STK32B: variants seen among roughly 807,000 people sequenced by gnomAD.
The protein encoded by STK32B is serine/threonine-protein kinase 32B.
Under a neutral mutation model 52.6 loss-of-function variants are expected in STK32B, and 43 were observed. The ratio of observed to expected loss-of-function variants is 0.82; its 90% CI spans 0.64 to 1.05. STK32B has a LOEUF of 1.05. Among genes scored for constraint, STK32B ranks in the 50% least tolerant of loss-of-function variants. The pLI is 0.00. For missense variants in STK32B, 621 were observed against 534.6 expected (o/e 1.16, Z -1.59); for synonymous variants, 238 against 204.3 (o/e 1.17, Z -1.41).
intron 1 of STK32B, among the ~76,000 whole-genome samples, chr4:5,084,261 A>C (rs1028808528): frequency 3.3e-5 from 5 of 152,176 alleles, no homozygotes; most frequent in African/African-American, 1.2e-4. Flanking sequence ...TGTATTGGAG[A>C]ACTGGCTGCC....
chr4:5,165,702 G>A (rs894725293), intron 2 of STK32B, among the ~76,000 whole-genome samples: 5 of 152,076 alleles, frequency 3.3e-5, no homozygotes, highest in African/African-American at 7.2e-5. Context: ...GTCTTTGCTT[G>A]GATTCCCACA....
intron 3 of STK32B, among the ~76,000 whole-genome samples, chr4:5,237,384 A>G (rs980679803): frequency 6.6e-6 from 1 of 152,188 alleles, no homozygotes; most frequent in African/African-American, 2.4e-5. Flanking sequence ...GGAAAACACT[A>G]CAGATGTTCA....
chr4:5,261,833 C>G (rs1422227830), intron 3 of STK32B, among the ~76,000 whole-genome samples: 1 of 152,142 alleles, frequency 6.6e-6, no homozygotes, highest in Admixed American at 6.5e-5. Context: ...GGTACCAGAT[C>G]TGCATTTTAT....
intron 1 of STK32B, among the ~76,000 whole-genome samples, chr4:5,134,019 ACT>A (rs1222653039): frequency 1.3e-5 from 2 of 151,716 alleles, no homozygotes; most frequent in South Asian, 2.1e-4. Context: ...CCATGGCCTG[ACT>A]CTCTCCCCAT....
intron 6 of STK32B, among the ~76,000 whole-genome samples, chr4:5,419,931 C>G (rs1014603396): frequency 3.3e-5 from 5 of 152,222 alleles, no homozygotes; most frequent in African/African-American, 1.2e-4. Flanking sequence ...TAATAGGCAA[C>G]TTGTTTTTGG....
chr4:5,239,290 A>C (rs1426084631), intron 3 of STK32B, among the ~76,000 whole-genome samples: 5 of 152,180 alleles, frequency 3.3e-5, no homozygotes, highest in Admixed American at 2.0e-4. Flanking sequence ...GCTGCTGGGC[A>C]AATAATGCAT....
chr4:5,175,454 A>T (rs1283914203), intron 3 of STK32B, among the ~76,000 whole-genome samples: 2 of 152,002 alleles, frequency 1.3e-5, no homozygotes, highest in Admixed American at 1.3e-4. Flanking sequence ...TTGGTCTTTG[A>T]CGATGGTGAT....
chr4:5,151,615 A>G (rs558007121), intron 2 of STK32B, among the ~76,000 whole-genome samples: 1 of 152,342 alleles, frequency 6.6e-6, no homozygotes, highest in South Asian at 2.1e-4. Context: ...ATTTACTCAC[A>G]TTTAAAATAA....
chr4:5,086,782 A>G (rs1157477974), intron 1 of STK32B, among the ~76,000 whole-genome samples: 2 of 152,254 alleles, frequency 1.3e-5, no homozygotes, highest in Non-Finnish European at 2.9e-5. Flanking sequence ...GAAGGCAGTG[A>G]GATGACATAC....
chr4:5,021,199 G>A, the STK32B span, among the ~76,000 whole-genome samples: 16 of 152,294 alleles, frequency 1.1e-4, no homozygotes, highest in East Asian at 5.8e-4. Flanking sequence ...ATAGCATCAC[G>A]CTGGGCGATG....
intron 3 of STK32B, among the ~76,000 whole-genome samples, chr4:5,275,183 C>CAGTTAACAA (rs1727731425): frequency 6.6e-6 from 1 of 152,124 alleles, no homozygotes; most frequent in Non-Finnish European, 1.5e-5. Context: ...GCTTTGGGAG[C>CAGTTAACAA]AAGGACCCCC....
chr4:5,024,284 A>G, the STK32B span, among the ~76,000 whole-genome samples: 1 of 152,216 alleles, frequency 6.6e-6, no homozygotes, highest in Non-Finnish European at 1.5e-5. Context: ...TGATTTACTC[A>G]GTTGGAAGGT....
chr4:5,091,343 T>C (rs897313422), intron 1 of STK32B, among the ~76,000 whole-genome samples: 14 of 152,046 alleles, frequency 9.2e-5, no homozygotes, highest in African/African-American at 3.4e-4. Flanking sequence ...GATAAGGACC[T>C]AATAAACAGA....
At chr4:5,143,911 G>A (rs944402482) in intron 2 of STK32B, among the ~76,000 whole-genome samples, 11 of 152,164 alleles carry the variant, frequency 7.2e-5, no homozygotes, top group Admixed American at 2.0e-4. Context: ...GCCTCCACCA[G>A]CCAGGATGTT....
intron 3 of STK32B, among the ~76,000 whole-genome samples, chr4:5,231,570 C>G (rs1724272034): frequency 6.6e-6 from 1 of 152,182 alleles, no homozygotes; most frequent in Non-Finnish European, 1.5e-5. Flanking sequence ...CGAGATTGCA[C>G]CACGGCACTC....
intron 3 of STK32B, among the ~76,000 whole-genome samples, chr4:5,272,752 A>G (rs1198231909): frequency 1.4e-5 from 2 of 147,448 alleles, no homozygotes; most frequent in East Asian, 4.0e-4. Flanking sequence ...AGGATTCCCT[A>G]TTTAATAAAT....
chr4:5,458,312 A>G (rs1716741102), intron 8 of STK32B, among the ~76,000 whole-genome samples: 1 of 152,128 alleles, frequency 6.6e-6, no homozygotes, highest in Admixed American at 6.5e-5. Flanking sequence ...TGAGGTTGGC[A>G]CCCAGTTGTT....
At chr4:5,436,889 C>T (rs184728940) in intron 6 of STK32B, among the ~76,000 whole-genome samples, 53 of 152,266 alleles carry the variant, frequency 3.5e-4, no homozygotes, top group East Asian at 3.5e-3. Context: ...TTCAGCCCTG[C>T]GATGTTGACA....
At position 5,051,856 on chromosome 4, in the gene STK32B, G is replaced by C. The variant is rs374265258; in HGVS notation, c.-8G>C. The C allele has an allele frequency of 1.0e-5, 16 of 1,595,902 alleles. No individual in the cohort carries two copies. Among genetic ancestry groups the C allele is most frequent in the Non-Finnish European group, 1.4e-5 (16 of 1,172,062 alleles). ...CCGGGCATGTAGCAGCGGCAGCAACGGCGGAATATGGGCGGGAACCACTCC... is the reference window on the plus strand; with the variant it reads ...CCGGGCATGTAGCAGCGGCAGCAACCGCGGAATATGGGCGGGAACCACTCC... On this transcript the variant is annotated 5_prime_UTR_variant, in exon 1 of 12. Coordinates refer to ENST00000282908, the MANE Select transcript of STK32B (RefSeq NM_018401.3).
Sources: gnomAD v4.1 joint callset for allele counts (sites outside exome capture counted in the v4.1 genomes callset) on GRCh38, gnomAD v4.1.1 for gene constraint, MANE v1.5 for transcripts, NCBI Gene and HGNC (gene_info 2026-07-23, HGNC 2026-07-21) for gene names.